Variants in STAG1 observed in about 807,000 individuals in gnomAD.
The protein encoded by STAG1 is STAG1 cohesin complex component.
A neutral mutation model predicts 170.9 loss-of-function variants in STAG1; 26 were observed. The ratio of observed to expected loss-of-function variants is 0.15; its 90% CI spans 0.11 to 0.21. The LOEUF is 0.21. Ranked by LOEUF, STAG1 falls within the 10% of genes least tolerant of loss-of-function variation. The pLI, the probability that STAG1 is intolerant of heterozygous loss-of-function variation, is 1.00. For missense variants in STAG1, 964 were observed against 1,509.5 expected (o/e 0.64, Z 5.99); for synonymous variants, 514 against 497.7 (o/e 1.03, Z -0.44).
intron 6 of STAG1, among the ~76,000 whole-genome samples, chr3:136,526,142 G>T (rs949478421): frequency 6.6e-6 from 1 of 152,116 alleles, no homozygotes; most frequent in Non-Finnish European, 1.5e-5. Flanking sequence ...TTCAATTCCT[G>T]GATATCCTTT....
At chr3:136,622,326 G>GC (rs971368007) in intron 3 of STAG1, among the ~76,000 whole-genome samples, 2 of 151,564 alleles carry the variant, frequency 1.3e-5, no homozygotes, top group Non-Finnish European at 2.9e-5. Flanking sequence ...CGGTGGGGGG[G>GC]AAAGAAGAAA....
At chr3:136,575,261 T>A (rs955055318) in intron 4 of STAG1, among the ~76,000 whole-genome samples, 2 of 152,136 alleles carry the variant, frequency 1.3e-5, no homozygotes, top group Admixed American at 6.5e-5. Flanking sequence ...GTCTCACTCT[T>A]TCACCCAGGC....
chr3:136,622,274 G>C (rs1939899454), intron 3 of STAG1, among the ~76,000 whole-genome samples: 2 of 151,888 alleles, frequency 1.3e-5, no homozygotes, highest in Admixed American at 1.3e-4. Context: ...AGCCAAGATT[G>C]TGCCATTGCA....
At chr3:136,660,706 C>T (rs1011019760) in intron 1 of STAG1, among the ~76,000 whole-genome samples, 2 of 151,904 alleles carry the variant, frequency 1.3e-5, no homozygotes, top group Non-Finnish European at 2.9e-5. Context: ...TGGTGACTCA[C>T]ACCTGTAATC....
intron 5 of STAG1, among the ~76,000 whole-genome samples, chr3:136,542,758 G>A (rs1419039041): frequency 1.3e-5 from 2 of 152,050 alleles, no homozygotes; most frequent in African/African-American, 4.8e-5. Context: ...CGATGGTGGT[G>A]GCAGCTAACA....
At chr3:136,740,144 G>A (rs536168962) in intron 1 of STAG1, among the ~76,000 whole-genome samples, 60 of 152,172 alleles carry the variant, frequency 3.9e-4, no homozygotes, top group African/African-American at 1.4e-3. Context: ...TCAGCTACTC[G>A]GGAGGCTGAG....
At chr3:136,403,249 A>AAAAAAAAG (rs2087386941) in intron 21 of STAG1, among the ~76,000 whole-genome samples, 2 of 144,164 alleles carry the variant, frequency 1.4e-5, no homozygotes, top group African/African-American at 5.2e-5. Context: ...AAAAAAAAAA[A>AAAAAAAAG]AAAAGAAAAG....
Position 136,452,064 on chromosome 3 carries a change from C to T in STAG1, c.1397G>A (p.Arg466Lys), listed in dbSNP as rs769361891. The T allele has an allele frequency of 6.8e-6, 11 of 1,613,116 alleles. No individual in the cohort carries two copies. In the South Asian group the frequency reaches 1.2e-4, roughly 18 times the overall value. ...GRNSPNGNLI[R>K]MLVLFFLESE... Reference sequence around the variant, plus strand: ...TTCAAGAAAGAAAAGAACCAGCATCCTAATGAGGTTTCCATTCGGGCTGTT... The same window carrying T: ...TTCAAGAAAGAAAAGAACCAGCATCTTAATGAGGTTTCCATTCGGGCTGTT... The change falls in exon 14 of 34, where the codon AGG (arginine) becomes AAG (lysine). Residue 466 changes from arginine to lysine, a missense_variant. By Grantham distance (26) the Arg-to-Lys change is conservative (BLOSUM62 2). Around this residue, in one of 11 missense-constraint regions of STAG1, gnomAD observed 162 missense variants for 211.2 expected, o/e 0.77. Coordinates refer to ENST00000383202, the MANE Select transcript of STAG1 (RefSeq NM_005862.3).
At chr3:136,598,004 T>C (rs967536897) in intron 4 of STAG1, among the ~76,000 whole-genome samples, 3 of 152,142 alleles carry the variant, frequency 2.0e-5, no homozygotes, top group African/African-American at 7.2e-5. Flanking sequence ...AGCTATATAT[T>C]ATCACATAAT....
intron 2 of STAG1, 39 bp from the exon 3 acceptor site, chr3:136,623,287 A>G (rs768241702): frequency 1.0e-5 from 16 of 1,567,680 alleles, no homozygotes; most frequent in Non-Finnish European, 1.4e-5. Context: ...CAAATTAATA[A>G]GTATAATGCA....
chr3:136,454,241 G>A (rs560293602), intron 13 of STAG1, among the ~76,000 whole-genome samples: 3 of 152,076 alleles, frequency 2.0e-5, no homozygotes, highest in African/African-American at 7.2e-5. Context: ...ACCATGCCCA[G>A]CTAATTTTTG....
At chr3:136,404,564 G>A (rs1193324129) in intron 21 of STAG1, among the ~76,000 whole-genome samples, 1 of 152,078 alleles carries the variant, frequency 6.6e-6, no homozygotes, top group Non-Finnish European at 1.5e-5. Flanking sequence ...AAGCCACTCA[G>A]ATTTTGAAAT....
chr3:136,426,864 C>T (rs1311221226), intron 16 of STAG1, among the ~76,000 whole-genome samples: 10 of 151,868 alleles, frequency 6.6e-5, no homozygotes, highest in African/African-American at 2.2e-4. Flanking sequence ...GTCAGGAGAT[C>T]GAGACCATCC....
chr3:136,531,955 T>C (rs1377958526), intron 6 of STAG1, among the ~76,000 whole-genome samples: 1 of 147,952 alleles, frequency 6.8e-6, no homozygotes. Context: ...AACAATTTAA[T>C]GATGCACCTC....
intron 16 of STAG1, among the ~76,000 whole-genome samples, chr3:136,423,935 C>A (rs79031967): frequency 0.017 from 2,522 of 151,832 alleles, 39 homozygotes; most frequent in Non-Finnish European, 0.027. Flanking sequence ...ACGATCTCGG[C>A]TCCCTGCAAC....
chr3:136,718,982 C>A (rs1211672518), intron 1 of STAG1, among the ~76,000 whole-genome samples: 6 of 152,092 alleles, frequency 3.9e-5, no homozygotes, highest in Admixed American at 3.9e-4. Context: ...TTCTGGAAAA[C>A]AATTTAGCGG....
At chr3:136,708,933 T>G (rs1943303558) in intron 1 of STAG1, among the ~76,000 whole-genome samples, 2 of 149,444 alleles carry the variant, frequency 1.3e-5, no homozygotes, top group South Asian at 4.2e-4. Flanking sequence ...GCCTCCCAAG[T>G]AGTTGGACCA....
rs186008453 is a variant in STAG1 at position 136,561,082 on chromosome 3, A to T, written c.394+7683T>A. The stretch of plus-strand genomic sequence containing the variant: ...TAAAATGCCAATCTAGATTTTGGAT[A>T]TTAATGTGCAAGACAAGGAGTCCTT... On this transcript the variant is annotated intron_variant, in intron 5 of 33. Transcript: ENST00000383202. Among the ~76,000 whole-genome samples the T allele has an allele frequency of 7.9e-3, 1,196 of 152,264 alleles. 22 individuals are homozygous for T. The highest frequency in any genetic ancestry group is 0.044 in the Admixed American group (667 of 15,290).
intron 9 of STAG1, among the ~76,000 whole-genome samples, chr3:136,485,047 C>T (rs1350944473): frequency 6.6e-6 from 1 of 152,240 alleles, no homozygotes; most frequent in Non-Finnish European, 1.5e-5. Flanking sequence ...CTGCGTCGCT[C>T]ACGCTGGGAG....
Sources: gnomAD v4.1 joint callset for allele counts (sites outside exome capture counted in the v4.1 genomes callset) on GRCh38, gnomAD v4.1.1 for gene constraint, gnomAD v4.1.1 regional missense constraint, MANE v1.5 for transcripts, NCBI Gene and HGNC (gene_info 2026-07-23, HGNC 2026-07-21) for gene names.